TENM3: variants seen among roughly 807,000 people sequenced by gnomAD.
TENM3 encodes teneurin-3.
In TENM3, 63 loss-of-function variants were observed where a neutral mutation model predicts 255.1. The observed-to-expected ratio is 0.25, with a 90% confidence interval of 0.20 to 0.30. TENM3 has a LOEUF of 0.30. Ranked by LOEUF, TENM3 falls within the 10% of genes least tolerant of loss-of-function variation. The probability of loss-of-function intolerance (pLI) is 1.00; values close to 1 mark genes in which losing one functional copy is unlikely to be tolerated. For missense variants in TENM3, 2,929 were observed against 3,461.1 expected, an observed-to-expected ratio of 0.85 and a Z score of 3.86; for synonymous variants, 1,306 against 1,322.3, an observed-to-expected ratio of 0.99 and a Z score of 0.27.
chr4:182,205,368 C>T (rs1390826990), intron 1 of TENM3, among the ~76,000 whole-genome samples: 2 of 152,214 alleles, frequency 1.3e-5, no homozygotes, highest in Non-Finnish European at 1.5e-5. Flanking sequence ...TTCTAGAAAC[C>T]TGGGTCTTTG....
At chr4:182,134,918 CAA>C in the TENM3 span, among the ~76,000 whole-genome samples, 5 of 151,814 alleles carry the variant, frequency 3.3e-5, no homozygotes, top group Non-Finnish European at 5.9e-5. Context: ...AAAAATGAAC[CAA>C]AGTTTGGCCA....
intron 1 of TENM3, among the ~76,000 whole-genome samples, chr4:182,221,270 G>C (rs1209888874): frequency 6.6e-6 from 1 of 152,190 alleles, no homozygotes; most frequent in Non-Finnish European, 1.5e-5. Context: ...TAAGCCTAGA[G>C]AATCAGGTGA....
At chr4:182,647,637 T>C (rs978287703) in intron 5 of TENM3, among the ~76,000 whole-genome samples, 2 of 152,230 alleles carry the variant, frequency 1.3e-5, no homozygotes, top group Non-Finnish European at 2.9e-5. Flanking sequence ...GATGGGCATT[T>C]GGGTTGCTTC....
At chr4:182,587,458 A>G (rs1281061970) in intron 3 of TENM3, among the ~76,000 whole-genome samples, 1 of 152,214 alleles carries the variant, frequency 6.6e-6, no homozygotes, top group African/African-American at 2.4e-5. Flanking sequence ...ATACAAAAAT[A>G]GTTCCAGCTA....
rs1335366330 is a variant in TENM3 at position 182,793,065 on chromosome 4, A to C, written c.6393A>C (p.Glu2131Asp). The C allele has an allele frequency of 6.2e-7, 1 of 1,613,894 alleles. No homozygotes were observed. The highest frequency in any genetic ancestry group is 8.5e-7 in the Non-Finnish European group (1 of 1,179,910). ...PFANTTKYAY[E>D]YDVDGQLQTV... ...CCAACACCACCAAATATGCTTATGAATATGATGTTGATGGACAGCTCCAAA... is the reference window on the plus strand; with the variant it reads ...CCAACACCACCAAATATGCTTATGACTATGATGTTGATGGACAGCTCCAAA... Residue 2131 changes from glutamate (E) to aspartate (D), a missense_variant, in exon 26 of 28, where the codon GAA (glutamate) becomes GAC (aspartate). Transcript: ENST00000511685. This position sits in a 1 kb window ranked among gnomAD's most constrained non-coding sequence, Gnocchi z 5.7.
chr4:181,721,217 G>T, the TENM3 span, among the ~76,000 whole-genome samples: 2 of 151,990 alleles, frequency 1.3e-5, no homozygotes, highest in African/African-American at 4.8e-5. Flanking sequence ...AGATTGGCAG[G>T]AGATGATGTT....
intron 3 of TENM3, among the ~76,000 whole-genome samples, chr4:182,366,953 T>C (rs75950907): frequency 2.0e-4 from 30 of 152,268 alleles, no homozygotes; most frequent in African/African-American, 7.2e-4. Context: ...ATTACGTATT[T>C]TGAGAGTTCG....
intron 16 of TENM3, 127 bp from the exon 17 acceptor site, chr4:182,736,681 T>G (rs1761194147): frequency 1.1e-6 from 1 of 904,586 alleles, no homozygotes; most frequent in Non-Finnish European, 1.6e-6. Context: ...ATTGTCTTTG[T>G]GAGTAAGTAA....
intron 1 of TENM3, among the ~76,000 whole-genome samples, chr4:182,152,728 CT>C (rs35956517): frequency 0.15 from 22,598 of 151,586 alleles, 1,961 homozygotes; most frequent in East Asian, 0.38. Context: ...AGATAAAGTA[CT>C]TTAAAAATTT....
intron 1 of TENM3, among the ~76,000 whole-genome samples, chr4:182,218,879 T>C (rs1755677176): frequency 6.6e-6 from 1 of 152,254 alleles, no homozygotes; most frequent in Non-Finnish European, 1.5e-5. Flanking sequence ...CCACAAATTA[T>C]GTTGTAATTC....
At chr4:182,218,982 G>C (rs1755687943) in intron 1 of TENM3, among the ~76,000 whole-genome samples, 1 of 152,246 alleles carries the variant, frequency 6.6e-6, no homozygotes, top group South Asian at 2.1e-4. Flanking sequence ...CCCAGCACTG[G>C]GAGGCCGAGG....
chr4:182,262,896 G>A (rs2150171624), intron 1 of TENM3, among the ~76,000 whole-genome samples: 1 of 152,012 alleles, frequency 6.6e-6, no homozygotes, highest in East Asian at 2.0e-4. Context: ...TGTATTTTTA[G>A]TAGAGACGGG....
At position 182,802,702 on chromosome 4, in the gene TENM3, T is replaced by TA. The variant is rs1767056564; in HGVS notation, c.*2356dup. 7.2e-6 allele frequency: 1 copy of TA among 139,196 alleles called. No individual in the cohort carries two copies. The highest frequency in any genetic ancestry group is 2.1e-4 in the South Asian group (1 of 4,658). The allele number at this position is 139,196 out of a possible 1,614,324, so 8.6% of individuals were successfully genotyped here. ...TAGGTATAATGAGCCTATTTCTTTC[T>TA]AAAAAGACTTGTGATCTGGACATGC... On this transcript the variant is annotated 3_prime_UTR_variant, in exon 28 of 28. Transcript: ENST00000511685.
intron 20 of TENM3, among the ~76,000 whole-genome samples, chr4:182,753,060 C>G (rs561663078): frequency 6.6e-6 from 1 of 150,910 alleles, no homozygotes; most frequent in East Asian, 2.0e-4. Context: ...CATTCTTCTG[C>G]CTCAGCCTCC....
intron 3 of TENM3, among the ~76,000 whole-genome samples, chr4:182,388,468 G>A (rs1451751433): frequency 6.6e-6 from 1 of 152,166 alleles, no homozygotes; most frequent in Non-Finnish European, 1.5e-5. Context: ...AAACAGTCTT[G>A]TGAATTGTGC....
the TENM3 span, among the ~76,000 whole-genome samples, chr4:181,550,012 C>G: frequency 6.6e-6 from 1 of 152,020 alleles, no homozygotes; most frequent in East Asian, 1.9e-4. Context: ...GACAAGAGTG[C>G]TCGGGGTTCA....
At chr4:181,879,851 C>A in the TENM3 span, among the ~76,000 whole-genome samples, 1 of 152,012 alleles carries the variant, frequency 6.6e-6, no homozygotes, top group African/African-American at 2.4e-5. Context: ...AAAATCAGCA[C>A]CTGCAAGCGT....
intron 3 of TENM3, among the ~76,000 whole-genome samples, chr4:182,431,123 G>T (rs922577682): frequency 2.0e-4 from 31 of 152,202 alleles, no homozygotes; most frequent in African/African-American, 6.7e-4. Flanking sequence ...GGGAGACAAT[G>T]AATATTTAGG....
intron 12 of TENM3, among the ~76,000 whole-genome samples, chr4:182,710,787 G>A (rs1425705843): frequency 2.6e-5 from 4 of 152,192 alleles, no homozygotes; most frequent in African/African-American, 9.7e-5. Context: ...GAGATTTGAG[G>A]CTGATTAAGA....
Sources: allele counts gnomAD v4.1 joint callset (sites outside exome capture counted in the v4.1 genomes callset), GRCh38; gene constraint gnomAD v4.1.1; non-coding constraint Gnocchi (gnomAD v3.1); transcripts MANE v1.5; gene names NCBI Gene and HGNC (gene_info 2026-07-23, HGNC 2026-07-21).